The following LPAR1 variants were observed in gnomAD, a reference collection of about 807,000 sequenced individuals.
LPAR1 encodes LPA receptor 1.
Under a neutral mutation model 23.8 loss-of-function variants are expected in LPAR1, and 5 were observed. That is an observed-to-expected ratio of 0.21 (90% CI 0.11 to 0.44). The LOEUF (loss-of-function observed/expected upper bound fraction) is 0.44, where lower values mean the gene tolerates loss of function less well. Among genes scored for constraint, LPAR1 ranks in the 20% least tolerant of loss-of-function variants. LPAR1 has a pLI of 0.99. For synonymous variants in LPAR1, 160 were observed against 164.7 expected (o/e 0.97, Z 0.22); for missense variants, 311 against 482.8 (o/e 0.64, Z 3.33).
chr9:110,902,972 T>G (rs1245641105), intron 5 of LPAR1, among the ~76,000 whole-genome samples: 1 of 152,146 alleles, frequency 6.6e-6, no homozygotes. Context: ...TCTCTGAAAA[T>G]GCAATTGTCA....
At chr9:110,999,385 C>G (rs1022751650) in intron 2 of LPAR1, 10 of 455,982 alleles carry the variant, frequency 2.2e-5, no homozygotes, top group Non-Finnish European at 4.4e-5. Context: ...AGACCTCCCC[C>G]ACCCTACCTC....
intron 2 of LPAR1, among the ~76,000 whole-genome samples, chr9:110,991,648 G>T (rs1162972163): frequency 2.6e-5 from 4 of 152,020 alleles, no homozygotes; most frequent in African/African-American, 9.7e-5. Context: ...CACTCTTGTT[G>T]CCCAGGCTGG....
intron 5 of LPAR1, among the ~76,000 whole-genome samples, chr9:110,906,744 C>T (rs746753378): frequency 1.1e-4 from 16 of 152,052 alleles, no homozygotes; most frequent in East Asian, 1.9e-4. Flanking sequence ...AATTAAAATG[C>T]TTTTCCACAT....
intron 5 of LPAR1, among the ~76,000 whole-genome samples, chr9:110,919,401 C>A (rs1187115814): frequency 6.6e-6 from 1 of 152,258 alleles, no homozygotes. Context: ...AACTGGTACG[C>A]AGACTTCAGC....
chr9:111,027,353 T>C (rs1319621255), intron 2 of LPAR1, among the ~76,000 whole-genome samples: 3 of 151,880 alleles, frequency 2.0e-5, no homozygotes, highest in Non-Finnish European at 4.4e-5. Flanking sequence ...AATAAATAAA[T>C]AACCAAACAT....
intron 2 of LPAR1, among the ~76,000 whole-genome samples, chr9:110,985,781 C>G (rs1195446395): frequency 1.3e-5 from 2 of 151,994 alleles, no homozygotes; most frequent in Non-Finnish European, 2.9e-5. Context: ...ACTATGAAGG[C>G]AAAGGATATA....
At chr9:110,927,073 C>T (rs909478648) in intron 5 of LPAR1, among the ~76,000 whole-genome samples, 5 of 152,320 alleles carry the variant, frequency 3.3e-5, no homozygotes, top group African/African-American at 1.2e-4. Context: ...TGGAGAAACA[C>T]TGACGTAGCG....
chr9:110,942,263 C>A, intron 4 of LPAR1, 95 bp from the exon 5 acceptor site: 2 of 1,076,174 alleles, frequency 1.9e-6, no homozygotes, highest in Non-Finnish European at 2.7e-6. Flanking sequence ...GTACATGCAA[C>A]AGAAAAACAA....
intron 5 of LPAR1, among the ~76,000 whole-genome samples, chr9:110,896,235 T>C (rs967184202): frequency 2.0e-5 from 3 of 152,250 alleles, no homozygotes; most frequent in Admixed American, 1.3e-4. Flanking sequence ...GCCCTCATTA[T>C]ATTTTCAAAA....
At chr9:110,974,290 T>C (rs2096500403) in intron 2 of LPAR1, among the ~76,000 whole-genome samples, 1 of 152,154 alleles carries the variant, frequency 6.6e-6, no homozygotes, top group Non-Finnish European at 1.5e-5. Context: ...ATACTTTTCA[T>C]AATAGTAAAA....
intron 5 of LPAR1, among the ~76,000 whole-genome samples, chr9:110,899,608 T>C (rs1385499973): frequency 6.6e-6 from 1 of 152,140 alleles, no homozygotes; most frequent in Non-Finnish European, 1.5e-5. Flanking sequence ...CAGTGCTTTA[T>C]CAACTTCAAT....
intron 2 of LPAR1, among the ~76,000 whole-genome samples, chr9:110,974,941 C>G (rs1310317891): frequency 6.6e-6 from 1 of 152,072 alleles, no homozygotes; most frequent in African/African-American, 2.4e-5. Flanking sequence ...TTCCTTTCTC[C>G]TTCTCATGTA....
chr9:110,925,714 G>A (rs2093970603), intron 5 of LPAR1, among the ~76,000 whole-genome samples: 1 of 152,178 alleles, frequency 6.6e-6, no homozygotes, highest in Non-Finnish European at 1.5e-5. Context: ...TCATGTATGT[G>A]AGCCACAGGT....
intron 2 of LPAR1, among the ~76,000 whole-genome samples, chr9:111,027,885 CAAAAAAA>C (rs10594862): frequency 3.5e-5 from 2 of 56,666 alleles, no homozygotes; most frequent in Admixed American, 2.7e-4. Flanking sequence ...CACAAGTCCT[CAAAAAAA>C]AAAAAAAAAA....
chr9:110,932,908 T>C (rs987966348), intron 5 of LPAR1, among the ~76,000 whole-genome samples: 2 of 152,254 alleles, frequency 1.3e-5, no homozygotes, highest in African/African-American at 2.4e-5. Flanking sequence ...CCCTAGATGA[T>C]GCCTGGGCTT....
intron 2 of LPAR1, among the ~76,000 whole-genome samples, chr9:111,022,535 C>T (rs894812622): frequency 2.6e-5 from 4 of 152,058 alleles, no homozygotes; most frequent in Non-Finnish European, 4.4e-5. Flanking sequence ...TAATTCTTAC[C>T]ATTATATTCA....
Position 110,995,821 on chromosome 9 carries a change from A to C in LPAR1, c.-181-22263T>G, listed in dbSNP as rs371344990. ...TAGTAACTATGAAAATCACCAAAAA[A>C]GGGGGGTCCCCTCTCTAACTTATGT... is the stretch of plus-strand genomic sequence containing the variant. On this transcript the variant is annotated intron_variant, in intron 2 of 5. Coordinates refer to ENST00000683809, the MANE Select transcript of LPAR1 (RefSeq NM_001351411.2). Among the ~76,000 whole-genome samples, 52 of 152,340 alleles carry C rather than the reference A, an allele frequency of 3.4e-4. No individual in the cohort carries two copies. In the East Asian group the frequency reaches 6.4e-3, roughly 19 times the overall value.
At chr9:110,920,768 T>C (rs1360110924) in intron 5 of LPAR1, among the ~76,000 whole-genome samples, 6 of 152,180 alleles carry the variant, frequency 3.9e-5, no homozygotes. Context: ...TGCACTATCA[T>C]ACCTACAATT....
At chr9:110,970,577 T>A (rs1017376332) in intron 4 of LPAR1, among the ~76,000 whole-genome samples, 4 of 151,824 alleles carry the variant, frequency 2.6e-5, no homozygotes, top group Non-Finnish European at 5.9e-5. Flanking sequence ...TATGATAAAA[T>A]CCCAAGGTTG....
Sources: allele counts gnomAD v4.1 joint callset (sites outside exome capture counted in the v4.1 genomes callset), GRCh38; gene constraint gnomAD v4.1.1; transcripts MANE v1.5; gene names NCBI Gene and HGNC (gene_info 2026-07-23, HGNC 2026-07-21).